The following SIK3 variants were observed in gnomAD, a reference collection of about 807,000 sequenced individuals.
The protein encoded by SIK3 is SIK family kinase 3.
SIK3 carries 28 observed loss-of-function variants against 144.2 expected under a neutral mutation model. The ratio of observed to expected loss-of-function variants is 0.19; its 90% CI spans 0.14 to 0.27. The LOEUF is 0.27. SIK3 is among the 10% of genes least tolerant of loss of function. The pLI, the probability that SIK3 is intolerant of heterozygous loss-of-function variation, is 1.00. For missense variants in SIK3, 1,319 were observed against 1,776.0 expected (o/e 0.74, Z 4.62); for synonymous variants, 686 against 676.3 (o/e 1.01, Z -0.22).
At chr11:116,982,550 A>C (rs1419781403) in intron 1 of SIK3, among the ~76,000 whole-genome samples, 1 of 152,042 alleles carries the variant, frequency 6.6e-6, no homozygotes. Flanking sequence ...GGCTTCCCAA[A>C]GTGCTGGGAT....
intron 6 of SIK3, among the ~76,000 whole-genome samples, chr11:116,889,711 C>T (rs1416514386): frequency 6.6e-6 from 1 of 152,116 alleles, no homozygotes; most frequent in East Asian, 1.9e-4. Context: ...GCCTGGGCAA[C>T]ATAATAAGAT....
intron 4 of SIK3, among the ~76,000 whole-genome samples, chr11:116,902,445 C>T (rs1381696598): frequency 6.6e-6 from 1 of 152,144 alleles, no homozygotes; most frequent in African/African-American, 2.4e-5. Context: ...TGTCTGCAGG[C>T]TTAGACTGCT....
chr11:117,020,800 A>G (rs1951735220), intron 1 of SIK3, among the ~76,000 whole-genome samples: 1 of 152,264 alleles, frequency 6.6e-6, no homozygotes, highest in South Asian at 2.1e-4. Context: ...GTGTCCTTTA[A>G]AACATCCTTT....
chr11:116,882,905 AAG>A (rs2134629856), intron 6 of SIK3, among the ~76,000 whole-genome samples: 1 of 152,356 alleles, frequency 6.6e-6, no homozygotes, highest in Non-Finnish European at 1.5e-5. Flanking sequence ...AAAATCTAAA[AAG>A]GAAACAAAAA....
intron 2 of SIK3, among the ~76,000 whole-genome samples, chr11:116,955,017 T>G (rs533798572): frequency 1.4e-4 from 22 of 152,354 alleles, no homozygotes; most frequent in Non-Finnish European, 2.6e-4. Flanking sequence ...TTTACCCCAA[T>G]ATATCCAAAA....
In SIK3 at chr11:116,983,527, C is replaced by CA. The variant is rs572270675; in HGVS notation, c.274-26464dup. ...CCTGGGCGACACAGCAAGACTATCT[C>CA]AAAAAAAAAAATTGGTCAATAATTT... is the stretch of plus-strand genomic sequence containing the variant. On this transcript the variant is annotated intron_variant, in intron 1 of 24. Coordinates refer to ENST00000445177, the MANE Select transcript of SIK3 (RefSeq NM_001366686.3). Among the ~76,000 whole-genome samples the CA allele has an allele frequency of 4.1e-4, 59 of 143,796 alleles. No individual in the cohort carries two copies. The South Asian group carries it at 7.8e-3, about 19-fold the overall frequency. The allele number at this position is 143,796 out of a possible 152,430, so 94.3% of individuals were successfully genotyped here. A position where few individuals can be genotyped will look rare whatever the true frequency, so the allele number is the denominator to read the frequency against.
At chr11:116,955,068 TTTACAC>T (rs1394891078) in intron 2 of SIK3, among the ~76,000 whole-genome samples, 2 of 152,208 alleles carry the variant, frequency 1.3e-5, no homozygotes, top group African/African-American at 4.8e-5. Flanking sequence ...TATTTTTAGT[TTTACAC>T]TTAAATTAAT....
chr11:116,849,405 C>G lies in SIK3; in HGVS notation c.3656-122G>C. The G allele has an allele frequency of 8.5e-7, 1 of 1,174,200 alleles. No homozygotes were observed. Among genetic ancestry groups the G allele is most frequent in the Non-Finnish European group, 1.2e-6 (1 of 832,106 alleles). The allele number at this position is 1,174,200 out of a possible 1,614,324, so 72.7% of individuals were successfully genotyped here. A position where few individuals can be genotyped will look rare whatever the true frequency, so the allele number is the denominator to read the frequency against. ...GGCTGAGGAGATCATGTACACCAACCGCTGATCCTCAGCCGGCGTCATGGC... is the reference window on the plus strand; with the variant it reads ...GGCTGAGGAGATCATGTACACCAACGGCTGATCCTCAGCCGGCGTCATGGC... On this transcript the variant is annotated intron_variant, in intron 21 of 24. Transcript: ENST00000445177. The surrounding 1 kb of genome is among the most constrained non-coding windows in gnomAD (Gnocchi z 4.2).
chr11:117,013,113 G>GATAGTTTCTGTTATTT (rs1267847539), intron 1 of SIK3, among the ~76,000 whole-genome samples: 11 of 152,032 alleles, frequency 7.2e-5, no homozygotes, highest in Non-Finnish European at 1.6e-4. Context: ...AATCACCAAA[G>GATAGTTTCTGTTATTT]ATAGTTTCTG....
intron 1 of SIK3, among the ~76,000 whole-genome samples, chr11:117,092,658 A>T (rs977889026): frequency 6.6e-6 from 1 of 152,194 alleles, no homozygotes; most frequent in Admixed American, 6.5e-5. Flanking sequence ...TTCATTCAAT[A>T]AATGTGTTGA....
chr11:117,072,915 T>G (rs1039265715), intron 1 of SIK3, among the ~76,000 whole-genome samples: 2 of 152,216 alleles, frequency 1.3e-5, no homozygotes, highest in East Asian at 1.9e-4. Flanking sequence ...TAAAGTCTAG[T>G]TGGACCTAGC....
chr11:116,857,803 C>A lies in SIK3; in HGVS notation c.3655+7G>T. The A allele has an allele frequency of 6.2e-7, 1 of 1,613,732 alleles. No homozygotes were observed. The highest frequency in any genetic ancestry group is 1.1e-5 in the South Asian group (1 of 90,996). On this transcript the variant is annotated splice_region_variant and intron_variant, in intron 21 of 24. Coordinates refer to ENST00000445177, the MANE Select transcript of SIK3 (RefSeq NM_001366686.3). Reference sequence around the variant, plus strand: ...GCCCAGGACTTCCACTGTGAGGAGACACTTACCTCTGCTGGGCACCTTATT... The same window carrying A: ...GCCCAGGACTTCCACTGTGAGGAGAAACTTACCTCTGCTGGGCACCTTATT...
rs1440805067 is a variant in SIK3, at chr11:116,873,588, C to T, written c.1630G>A (p.Gly544Ser). The change falls in exon 13 of 25, where the codon GGC (glycine) becomes AGC (serine). Residue 544 changes from glycine (G) to serine (S), a missense_variant. Gly to Ser is a moderately conservative substitution (Grantham distance 56). This residue lies in a region of SIK3 where 167 missense variants were observed against 263.3 expected (regional missense o/e 0.63). Coordinates refer to ENST00000445177, the MANE Select transcript of SIK3 (RefSeq NM_001366686.3). ...PPTLQLLNGM[G>S]PLGRRASDGG... Reference sequence around the variant, plus strand: ...TCTGATGCCCTCCGGCCAAGGGGGCCCATTCCATTCAACAGCTGTAGCGTG... The same window carrying T: ...TCTGATGCCCTCCGGCCAAGGGGGCTCATTCCATTCAACAGCTGTAGCGTG... 1 of 1,602,276 alleles carries T rather than the reference C, an allele frequency of 6.2e-7. No homozygotes were observed. The highest frequency in any genetic ancestry group is 8.5e-7 in the Non-Finnish European group (1 of 1,175,042).
At chr11:116,859,740 G>A in intron 19 of SIK3, 136 bp from the exon 20 acceptor site, 1 of 721,422 alleles carries the variant, frequency 1.4e-6, no homozygotes, top group South Asian at 1.9e-5. Context: ...CATAGGACAA[G>A]TCTGGAGAAC....
chr11:116,979,368 G>T (rs1325011869), intron 1 of SIK3, among the ~76,000 whole-genome samples: 1 of 151,096 alleles, frequency 6.6e-6, no homozygotes, highest in Non-Finnish European at 1.5e-5. Flanking sequence ...TTTATTTGAG[G>T]AGTTCTTTTA....
chr11:117,098,175 TG>T lies in SIK3; in HGVS notation c.240del (p.Lys81SerfsTer17). 1 of 1,518,022 alleles carries T rather than the reference TG, an allele frequency of 6.6e-7. No individual in the cohort carries two copies. The highest frequency in any genetic ancestry group is 2.8e-5 in the East Asian group (1 of 35,444). The allele number at this position is 1,518,022 out of a possible 1,614,324, so 94.0% of individuals were successfully genotyped here. On this transcript the variant is annotated frameshift_variant, in exon 1 of 25. Coordinates refer to ENST00000445177, the MANE Select transcript of SIK3 (RefSeq NM_001366686.3). LOFTEE classifies it high-confidence loss of function. ...TTGGTGACGAGGTGCGTGGCCCGCT[TG>T]ACCACCGCGAAGTTGCCCTTGCCGA... is the stretch of plus-strand genomic sequence containing the variant. Reference protein sequence around the residue: ...RTIGKGNFAVVKRATHLVTKA... With the variant: ...RTIGKGNFAVXKRATHLVTKA...
intron 3 of SIK3, among the ~76,000 whole-genome samples, chr11:116,949,574 C>A (rs1225464167): frequency 5.9e-5 from 9 of 152,168 alleles, no homozygotes; most frequent in Non-Finnish European, 1.3e-4. Flanking sequence ...CCTCCAACTC[C>A]TAGGCTCGAG....
Position 116,857,860 on chromosome 11 carries a change from T to A in SIK3, c.3605A>T (p.Tyr1202Phe). 1 of 1,614,222 alleles carries A rather than the reference T, an allele frequency of 6.2e-7. No individual in the cohort carries two copies. The highest frequency in any genetic ancestry group is 1.1e-5 in the South Asian group (1 of 91,088). ...GAATGCAGCAGTTGGCTGATGACCA[T>A]AGGGATGTATCCCCAATTCTTGGGC... ...SHAQELGIHP[Y>F]GHQPTAAFSK... Residue 1202 changes from tyrosine (Y) to phenylalanine (F), a missense_variant, in exon 21 of 25, where the codon TAT (tyrosine) becomes TTT (phenylalanine). Physicochemically the swap from Tyr to Phe is conservative, Grantham distance 22. This residue lies in a region of SIK3 where 646 missense variants were observed against 763.7 expected (regional missense o/e 0.85). Transcript: ENST00000445177.
chr11:117,006,032 AC>A (rs1378084573), intron 1 of SIK3, among the ~76,000 whole-genome samples: 1 of 152,224 alleles, frequency 6.6e-6, no homozygotes, highest in Non-Finnish European at 1.5e-5. Flanking sequence ...GCAGAGGCCA[AC>A]AAATAGTGTT....
Sources: gnomAD v4.1 joint callset for allele counts (sites outside exome capture counted in the v4.1 genomes callset) on GRCh38, gnomAD v4.1.1 for gene constraint, gnomAD v4.1.1 regional missense constraint, Gnocchi (gnomAD v3.1) non-coding constraint, MANE v1.5 for transcripts, NCBI Gene and HGNC (gene_info 2026-07-23, HGNC 2026-07-21) for gene names.